Variants in AUTS2 observed in about 807,000 individuals in gnomAD.
AUTS2 encodes the protein activator of transcription and developmental regulator AUTS2, also known as autism susceptibility gene 2 protein.
In AUTS2, 17 loss-of-function variants were observed where a neutral mutation model predicts 112.4. The ratio of observed to expected loss-of-function variants is 0.15; its 90% CI spans 0.10 to 0.23. The LOEUF is 0.23. AUTS2 is among the 10% of genes least tolerant of loss of function. AUTS2 has a pLI of 1.00. For missense variants in AUTS2, 1,510 were observed against 1,701.6 expected (o/e 0.89, Z 1.98); for synonymous variants, 751 against 702.7 (o/e 1.07, Z -1.09).
intron 3 of AUTS2, among the ~76,000 whole-genome samples, chr7:70,132,734 T>A (rs1336595309): frequency 6.6e-6 from 1 of 152,042 alleles, no homozygotes; most frequent in Non-Finnish European, 1.5e-5. Flanking sequence ...AGGATGTAAT[T>A]TTCTTTGGTA....
intron 4 of AUTS2, among the ~76,000 whole-genome samples, chr7:70,296,499 G>C (rs1031221026): frequency 6.6e-6 from 1 of 152,068 alleles, no homozygotes; most frequent in Non-Finnish European, 1.5e-5. Flanking sequence ...CAGCATATAC[G>C]TACAGTTTTG....
At chr7:70,287,295 A>G (rs1788504880) in intron 4 of AUTS2, among the ~76,000 whole-genome samples, 1 of 152,106 alleles carries the variant, frequency 6.6e-6, no homozygotes, top group Non-Finnish European at 1.5e-5. Flanking sequence ...CCACTCTTTG[A>G]TGTTACAAAG....
rs886629041 is a variant in AUTS2, at chr7:70,430,874, C to T, written c.661-4878C>T. 1.0e-4 allele frequency among the ~76,000 whole-genome samples: 12 copies of T among 120,552 alleles called. No individual in the cohort carries two copies. In the East Asian group the frequency reaches 3.0e-3, roughly 30 times the overall value. 79.1% of individuals were successfully genotyped at this position (120,552 alleles called of 152,430 possible). A position where few individuals can be genotyped will look rare whatever the true frequency, so the allele number is the denominator to read the frequency against. ...TTTTTGAGACGGAGTCTCGCTCTGT[C>T]GCCCAGGCTGGAGTGCAGTGGCGGG... On this transcript the variant is annotated intron_variant, in intron 4 of 18. Coordinates refer to ENST00000342771, the MANE Select transcript of AUTS2 (RefSeq NM_015570.4).
At chr7:70,672,999 C>T (rs912642758) in intron 5 of AUTS2, among the ~76,000 whole-genome samples, 33 of 152,306 alleles carry the variant, frequency 2.2e-4, no homozygotes, top group African/African-American at 6.7e-4. Flanking sequence ...GAGATGGGAG[C>T]TTAGCTGGTG....
chr7:69,992,860 G>T (rs571809111), intron 2 of AUTS2, among the ~76,000 whole-genome samples: 1 of 152,172 alleles, frequency 6.6e-6, no homozygotes, highest in East Asian at 1.9e-4. Context: ...ACTCCAGCCT[G>T]GGTTACAAAG....
At chr7:70,437,931 T>A (rs551467784) in intron 5 of AUTS2, 1 of 151,950 alleles carries the variant, frequency 6.6e-6, no homozygotes, top group Non-Finnish European at 1.5e-5. Context: ...GGTTTTGTGT[T>A]CCTTGTAAAT....
intron 5 of AUTS2, among the ~76,000 whole-genome samples, chr7:70,491,816 T>C (rs1406497777): frequency 1.3e-5 from 2 of 152,192 alleles, no homozygotes; most frequent in Admixed American, 1.3e-4. Context: ...GGTTTCGCCA[T>C]GTTGGCCAGA....
In AUTS2 at chr7:70,049,289, G is replaced by T. The variant is rs370976762; in HGVS notation, c.523-68843G>T. ...ATTTAGAATACTTCGGTGAAAGGAA[G>T]TATATATCTTACTTTTTCCAACTCT... On this transcript the variant is annotated intron_variant, in intron 2 of 18. Coordinates refer to ENST00000342771, the MANE Select transcript of AUTS2 (RefSeq NM_015570.4). Among the ~76,000 whole-genome samples, 9 of 152,046 alleles carry T rather than the reference G, an allele frequency of 5.9e-5. No homozygotes were observed. The South Asian group carries it at 1.9e-3, about 32-fold the overall frequency.
At chr7:70,701,750 T>G (rs1478303299) in intron 6 of AUTS2, among the ~76,000 whole-genome samples, 2 of 152,088 alleles carry the variant, frequency 1.3e-5, no homozygotes, top group African/African-American at 4.8e-5. Context: ...AAAAACAGTT[T>G]AACTTTAATC....
intron 1 of AUTS2, among the ~76,000 whole-genome samples, chr7:69,843,562 T>C (rs558771568): frequency 9.2e-5 from 14 of 152,250 alleles, no homozygotes; most frequent in South Asian, 8.3e-4. Flanking sequence ...TGAGTAAAAA[T>C]GTTAAGTGGC....
chr7:69,938,990 G>A (rs1796521569), intron 2 of AUTS2, among the ~76,000 whole-genome samples: 1 of 152,174 alleles, frequency 6.6e-6, no homozygotes, highest in African/African-American at 2.4e-5. Context: ...GTTTTTAACT[G>A]CTATAGATAT....
chr7:69,955,355 G>T (rs761047812), intron 2 of AUTS2, among the ~76,000 whole-genome samples: 1 of 152,074 alleles, frequency 6.6e-6, no homozygotes, highest in African/African-American at 2.4e-5. Context: ...ATGTCTTGTT[G>T]TGTGTTTAGC....
chr7:69,645,201 T>C (rs1326017109), intron 1 of AUTS2, among the ~76,000 whole-genome samples: 3 of 151,992 alleles, frequency 2.0e-5, no homozygotes, highest in Non-Finnish European at 4.4e-5. Context: ...CATGAGCCAC[T>C]GTGCCTGGCA....
At chr7:70,030,595 C>A (rs1360516801) in intron 2 of AUTS2, among the ~76,000 whole-genome samples, 2 of 152,020 alleles carry the variant, frequency 1.3e-5, no homozygotes, top group Non-Finnish European at 2.9e-5. Flanking sequence ...AGGGAGAAAC[C>A]AATTAGACAA....
At chr7:70,009,623 T>A (rs1237011584) in intron 2 of AUTS2, among the ~76,000 whole-genome samples, 8 of 152,232 alleles carry the variant, frequency 5.3e-5, no homozygotes, top group Non-Finnish European at 1.2e-4. Flanking sequence ...GACAAAGATC[T>A]TCTATAATAA....
chr7:70,276,796 A>G (rs1218261755), intron 4 of AUTS2, among the ~76,000 whole-genome samples: 1 of 152,184 alleles, frequency 6.6e-6, no homozygotes, highest in East Asian at 1.9e-4. Context: ...GAAGCCCCCA[A>G]AAATCCTTAT....
chr7:70,695,152 G>C (rs1809009590), intron 5 of AUTS2: 1 of 152,494 alleles, frequency 6.6e-6, no homozygotes, highest in African/African-American at 2.4e-5. Context: ...GCGGGCAGGG[G>C]TGGCAGGGGC....
At chr7:70,437,905 G>A (rs1795963510) in intron 5 of AUTS2, 1 of 151,610 alleles carries the variant, frequency 6.6e-6, no homozygotes, top group Admixed American at 6.6e-5. Context: ...AGTGGTAGAA[G>A]GTGGTAAGGA....
At chr7:69,805,121 C>T (rs745855806) in intron 1 of AUTS2, among the ~76,000 whole-genome samples, 9 of 152,184 alleles carry the variant, frequency 5.9e-5, no homozygotes, top group Non-Finnish European at 8.8e-5. Flanking sequence ...ATATGATCCA[C>T]TGTGGCAGTG....
Sources: allele counts gnomAD v4.1 joint callset (sites outside exome capture counted in the v4.1 genomes callset), GRCh38; gene constraint gnomAD v4.1.1; transcripts MANE v1.5; gene names NCBI Gene and HGNC (gene_info 2026-07-23, HGNC 2026-07-21).